Variants in ITGBL1 observed in about 807,000 individuals in gnomAD.
ITGBL1 encodes the protein integrin beta-like protein 1.
ITGBL1 carries 51 observed loss-of-function variants against 68.5 expected under a neutral mutation model. The observed-to-expected ratio is 0.74, with a 90% CI of 0.59 to 0.94. ITGBL1 has a LOEUF of 0.94. Among genes scored for constraint, ITGBL1 ranks in the 40% least tolerant of loss-of-function variants. The probability of loss-of-function intolerance (pLI) is 0.00; values close to 1 mark genes in which losing one functional copy is unlikely to be tolerated. For synonymous variants in ITGBL1, 209 were observed against 227.3 expected, an observed-to-expected ratio of 0.92 and a Z score of 0.72; for missense variants, 649 against 647.4, an observed-to-expected ratio of 1.00 and a Z score of -0.03.
At chr13:101,705,160 G>T (rs1338989083) in intron 8 of ITGBL1, among the ~76,000 whole-genome samples, 1 of 151,624 alleles carries the variant, frequency 6.6e-6, no homozygotes, top group Non-Finnish European at 1.5e-5. Flanking sequence ...TTCTCCAGGG[G>T]AGCAACATAT....
chr13:101,532,256 T>C (rs529665282), intron 2 of ITGBL1, among the ~76,000 whole-genome samples: 1 of 152,334 alleles, frequency 6.6e-6, no homozygotes, highest in African/African-American at 2.4e-5. Context: ...AATTCTCTCC[T>C]TATCCAAGAA....
chr13:101,527,611 G>A (rs150961530), intron 2 of ITGBL1, among the ~76,000 whole-genome samples: 27 of 66,578 alleles, frequency 4.1e-4, no homozygotes, highest in African/African-American at 1.7e-3. Flanking sequence ...AAGAAACTGC[G>A]AAACAGTTTT....
intron 7 of ITGBL1, among the ~76,000 whole-genome samples, chr13:101,662,888 C>T (rs926016269): frequency 2.0e-5 from 3 of 151,382 alleles, no homozygotes; most frequent in African/African-American, 7.3e-5. Flanking sequence ...TTTGACTATT[C>T]GCTTTTGTCT....
rs184214037 is a variant in ITGBL1, at chr13:101,492,840, C to T, written c.316+38740C>T. On this transcript the variant is annotated intron_variant, in intron 2 of 10. Transcript: ENST00000376180. ...CAATCCTCTTTTGAATTCCCAAAGC[C>T]GAATATTAACTCTTTCTTTCTTCGC... Among the ~76,000 whole-genome samples the T allele has an allele frequency of 8.5e-5, 13 of 152,208 alleles. No homozygotes were observed. The East Asian group carries it at 1.2e-3, about 14-fold the overall frequency.
intron 2 of ITGBL1, among the ~76,000 whole-genome samples, chr13:101,564,076 A>T (rs2050142336): frequency 6.6e-6 from 1 of 151,988 alleles, no homozygotes; most frequent in Non-Finnish European, 1.5e-5. Context: ...CTCTACTTTT[A>T]TCTATAGATT....
intron 6 of ITGBL1, among the ~76,000 whole-genome samples, chr13:101,587,166 C>A (rs72659118): frequency 1.6e-3 from 239 of 152,212 alleles, no homozygotes; most frequent in Non-Finnish European, 3.0e-3. Context: ...CATTCATTTC[C>A]ATTCTCTCCA....
intron 6 of ITGBL1, among the ~76,000 whole-genome samples, chr13:101,589,805 G>A (rs1035511567): frequency 5.9e-5 from 9 of 152,192 alleles, no homozygotes; most frequent in Admixed American, 5.2e-4. Context: ...AGTTGGCAAT[G>A]CCTGGAGGTG....
chr13:101,715,703 A>G lies in ITGBL1; in HGVS notation c.*49A>G. 8.0e-7 allele frequency: 1 copy of G among 1,248,542 alleles called. No homozygotes were observed. The highest frequency in any genetic ancestry group is 1.2e-5 in the South Asian group (1 of 83,612). The allele number at this position is 1,248,542 out of a possible 1,614,324, so 77.3% of individuals were successfully genotyped here. ...TTCTTATTTTTTCTGGGCCATTAGAACAGATAAATGCGAAGGAAACCATGT... is the reference window on the plus strand; with the variant it reads ...TTCTTATTTTTTCTGGGCCATTAGAGCAGATAAATGCGAAGGAAACCATGT... On this transcript the variant is annotated 3_prime_UTR_variant, in exon 11 of 11. Coordinates refer to ENST00000376180, the MANE Select transcript of ITGBL1 (RefSeq NM_004791.3).
At chr13:101,614,350 T>C (rs1448860397) in intron 7 of ITGBL1, among the ~76,000 whole-genome samples, 1 of 152,148 alleles carries the variant, frequency 6.6e-6, no homozygotes, top group Non-Finnish European at 1.5e-5. Flanking sequence ...AATAATAAAA[T>C]ATTATTTAGT....
intron 7 of ITGBL1, among the ~76,000 whole-genome samples, chr13:101,663,938 TTCTC>T (rs983957933): frequency 4.6e-5 from 7 of 152,094 alleles, no homozygotes; most frequent in Admixed American, 1.3e-4. Context: ...TTTTAAAATG[TTCTC>T]TCTCTCTCTT....
chr13:101,454,191 A>G (rs996004512), intron 2 of ITGBL1, 91 bp downstream of exon 2: 1 of 869,304 alleles, frequency 1.2e-6, no homozygotes, highest in Non-Finnish European at 1.6e-6. Context: ...GGGTGGGGAC[A>G]CGCCTCCCTT....
chr13:101,575,396 A>T (rs1566738427), intron 3 of ITGBL1, 28 bp from the exon 4 acceptor site: 1 of 1,605,102 alleles, frequency 6.2e-7, no homozygotes, highest in Non-Finnish European at 8.5e-7. Context: ...GCATGTAACA[A>T]ACAGTCTTTT....
chr13:101,653,718 C>G (rs1443929324), intron 7 of ITGBL1, among the ~76,000 whole-genome samples: 1 of 151,694 alleles, frequency 6.6e-6, no homozygotes. Flanking sequence ...GAGACAGAGT[C>G]TCACTCTGTC....
chr13:101,624,915 A>G (rs985485939), intron 7 of ITGBL1, among the ~76,000 whole-genome samples: 1 of 152,220 alleles, frequency 6.6e-6, no homozygotes, highest in African/African-American at 2.4e-5. Flanking sequence ...GAATTCTGCC[A>G]TATACCAAAT....
At chr13:101,707,637 C>G (rs1361583309) in intron 9 of ITGBL1, among the ~76,000 whole-genome samples, 1 of 151,912 alleles carries the variant, frequency 6.6e-6, no homozygotes, top group Non-Finnish European at 1.5e-5. Flanking sequence ...GTCAGGAGTT[C>G]TAGACCAGCC....
intron 3 of ITGBL1, among the ~76,000 whole-genome samples, chr13:101,571,037 A>G (rs762434535): frequency 6.6e-6 from 1 of 152,164 alleles, no homozygotes; most frequent in Non-Finnish European, 1.5e-5. Flanking sequence ...GCATGTACAC[A>G]TACACATACA....
intron 7 of ITGBL1, among the ~76,000 whole-genome samples, chr13:101,604,777 C>G (rs1182401892): frequency 7.0e-6 from 1 of 142,976 alleles, no homozygotes; most frequent in Admixed American, 7.2e-5. Flanking sequence ...CAGCCGCCAT[C>G]ACCTCACCAG....
At chr13:101,478,998 C>T (rs1028292315) in intron 2 of ITGBL1, among the ~76,000 whole-genome samples, 25 of 151,906 alleles carry the variant, frequency 1.6e-4, no homozygotes, top group African/African-American at 6.0e-4. Context: ...CCAGAATAAC[C>T]AAAGCCATCT....
intron 2 of ITGBL1, among the ~76,000 whole-genome samples, chr13:101,468,367 TA>T (rs2048412105): frequency 6.6e-6 from 1 of 152,142 alleles, no homozygotes; most frequent in Admixed American, 6.5e-5. Flanking sequence ...TGAGTAAGAG[TA>T]GTATCTACCT....
Sources: gnomAD v4.1 joint callset for allele counts (sites outside exome capture counted in the v4.1 genomes callset) on GRCh38, gnomAD v4.1.1 for gene constraint, MANE v1.5 for transcripts, NCBI Gene and HGNC (gene_info 2026-07-23, HGNC 2026-07-21) for gene names.